The following ROCK2 variants were observed in gnomAD, a reference collection of about 807,000 sequenced individuals.
ROCK2 encodes Rho associated coiled-coil containing protein kinase 2.
In ROCK2, 61 loss-of-function variants were observed where a neutral mutation model predicts 195.1. The observed-to-expected ratio is 0.31, with a 90% CI of 0.25 to 0.39. The LOEUF is 0.39. Ranked by LOEUF, ROCK2 falls within the 10% of genes least tolerant of loss-of-function variation. The pLI is 1.00. For synonymous variants in ROCK2, 504 were observed against 545.5 expected (o/e 0.92, Z 1.06); for missense variants, 1,109 against 1,637.4 (o/e 0.68, Z 5.57).
At chr2:11,267,507 C>CAA (rs1282448544) in intron 3 of ROCK2, among the ~76,000 whole-genome samples, 31 of 137,962 alleles carry the variant, frequency 2.2e-4, no homozygotes, top group African/African-American at 7.7e-4. Flanking sequence ...TTTTCACATA[C>CAA]AAAAAAAAAA....
At chr2:11,250,061 G>A (rs1180743589) in intron 3 of ROCK2, among the ~76,000 whole-genome samples, 1 of 151,838 alleles carries the variant, frequency 6.6e-6, no homozygotes, top group Non-Finnish European at 1.5e-5. Flanking sequence ...AGGTAAATTC[G>A]TGAAGCTTCA....
chr2:11,214,734 A>G, intron 16 of ROCK2, 106 bp downstream of exon 16: 1 of 1,007,072 alleles, frequency 9.9e-7, no homozygotes, highest in Non-Finnish European at 1.4e-6. Flanking sequence ...ACTTTACATA[A>G]TAGTATATTC....
chr2:11,301,651 G>C (rs1225867834), intron 1 of ROCK2, among the ~76,000 whole-genome samples: 1 of 151,604 alleles, frequency 6.6e-6, no homozygotes, highest in African/African-American at 2.4e-5. Context: ...GGTGGCAGGT[G>C]CCTGTAATTT....
Position 11,344,611 on chromosome 2 carries a change from A to G in ROCK2, c.-475T>C, listed in dbSNP as rs867954561. 2.6e-5 allele frequency: 6 copies of G among 232,954 alleles called. No individual in the cohort carries two copies. Among genetic ancestry groups the G allele is most frequent in the Middle Eastern group, 4.6e-3 (2 of 434 alleles). The allele number at this position is 232,954 out of a possible 1,614,324, so 14.4% of individuals were successfully genotyped here. On this transcript the variant is annotated 5_prime_UTR_variant, in exon 1 of 33. Coordinates refer to ENST00000315872, the MANE Select transcript of ROCK2 (RefSeq NM_004850.5). This position sits in a 1 kb window ranked among gnomAD's most constrained non-coding sequence, Gnocchi z 5.4. ...CAGTCCCTCAGCCAGCTCCCGGCGC[A>G]CACACTCCCGCGCGGCCGCCCGTCT...
intron 25 of ROCK2, 51 bp downstream of exon 25, chr2:11,198,440 A>C (rs758472733): frequency 1.2e-5 from 15 of 1,238,632 alleles, no homozygotes; most frequent in Non-Finnish European, 1.7e-5. Flanking sequence ...AATGTAAAAG[A>C]GATAAACTGA....
At chr2:11,232,926 A>G (rs1413171559) in intron 5 of ROCK2, among the ~76,000 whole-genome samples, 1 of 152,362 alleles carries the variant, frequency 6.6e-6, no homozygotes, top group South Asian at 2.1e-4. Flanking sequence ...CAAGATTAAC[A>G]TAACTGGTCA....
intron 4 of ROCK2, among the ~76,000 whole-genome samples, chr2:11,245,307 T>C (rs1045641815): frequency 4.0e-5 from 6 of 150,928 alleles, no homozygotes; most frequent in Non-Finnish European, 5.9e-5. Flanking sequence ...GTATAAGGAA[T>C]ATAAATTATT....
Position 11,192,202 on chromosome 2 carries a change from T to C in ROCK2, c.4109A>G (p.Gln1370Arg), listed in dbSNP as rs2148030075. The change falls in exon 32 of 33, where the codon CAG (glutamine) becomes CGG (arginine). Residue 1370 changes from glutamine to arginine, a missense_variant. Gln to Arg is a conservative substitution (Grantham distance 43). Around this residue, in one of 6 missense-constraint regions of ROCK2, gnomAD observed 221 missense variants for 355.1 expected, o/e 0.62. Transcript: ENST00000315872. This position sits in a 1 kb window ranked among gnomAD's most constrained non-coding sequence, Gnocchi z 5.0. The part of the protein sequence containing the change: ...RSSPRTSMKI[Q>R]QNQSIRRPSR... ...TGGCCGTCTAATAGACTGGTTTTGCTGTATCTTCATTGAAGTTCTAGGAGA... is the reference window on the plus strand; with the variant it reads ...TGGCCGTCTAATAGACTGGTTTTGCCGTATCTTCATTGAAGTTCTAGGAGA... The C allele has an allele frequency of 6.2e-7, 1 of 1,613,840 alleles. No individual in the cohort carries two copies. The highest frequency in any genetic ancestry group is 8.5e-7 in the Non-Finnish European group (1 of 1,179,848).
At chr2:11,340,941 A>C (rs908734454) in intron 1 of ROCK2, among the ~76,000 whole-genome samples, 2 of 152,216 alleles carry the variant, frequency 1.3e-5, no homozygotes, top group African/African-American at 4.8e-5. Context: ...TTAGAAAAAT[A>C]TCTCTTCAGC....
intron 3 of ROCK2, among the ~76,000 whole-genome samples, chr2:11,254,805 T>C (rs1291749142): frequency 6.9e-6 from 1 of 144,846 alleles, no homozygotes; most frequent in Non-Finnish European, 1.5e-5. Flanking sequence ...ACACATCTTA[T>C]GAAAAAGAAC....
At chr2:11,330,771 GA>G in intron 1 of ROCK2, among the ~76,000 whole-genome samples, 1 of 95,512 alleles carries the variant, frequency 1.0e-5, no homozygotes. Context: ...GGAGGAGGAG[GA>G]GGGAGGGAAG....
At chr2:11,194,423 C>A in intron 28 of ROCK2, 79 bp from the exon 29 acceptor site, 1 of 480,584 alleles carries the variant, frequency 2.1e-6, no homozygotes. Context: ...AAAATAAATT[C>A]TATATTAGCA....
intron 3 of ROCK2, among the ~76,000 whole-genome samples, chr2:11,269,254 G>GT (rs1158821739): frequency 6.6e-6 from 1 of 152,166 alleles, no homozygotes; most frequent in Non-Finnish European, 1.5e-5. Context: ...GCTCATGCCT[G>GT]TAATATCAGC....
chr2:11,219,336 CAAAAAAAAAAAAAAA>C (rs35159426), intron 9 of ROCK2, among the ~76,000 whole-genome samples: 3 of 67,378 alleles, frequency 4.5e-5, no homozygotes, highest in African/African-American at 6.9e-5. Context: ...CTTATCTCTA[CAAAAAAAAAAAAAAA>C]AAAAAAAAAA....
intron 25 of ROCK2, among the ~76,000 whole-genome samples, 191 bp downstream of exon 25, chr2:11,198,300 G>T (rs1255944725): frequency 2.0e-5 from 3 of 152,176 alleles, no homozygotes; most frequent in Non-Finnish European, 4.4e-5. Context: ...AAAAATTTTA[G>T]TTGCTATAGA....
chr2:11,221,768 G>A (rs1277031550), intron 8 of ROCK2, among the ~76,000 whole-genome samples: 1 of 152,104 alleles, frequency 6.6e-6, no homozygotes, highest in Non-Finnish European at 1.5e-5. Flanking sequence ...GATTTATCAA[G>A]TCAAACGCAT....
intron 32 of ROCK2, among the ~76,000 whole-genome samples, chr2:11,185,154 G>A (rs1312171293): frequency 2.0e-5 from 3 of 152,190 alleles, no homozygotes; most frequent in Non-Finnish European, 4.4e-5. Flanking sequence ...CAGATTGTCA[G>A]CTCAGTTTTT....
chr2:11,275,141 C>T (rs1666779455), intron 3 of ROCK2, among the ~76,000 whole-genome samples: 1 of 151,850 alleles, frequency 6.6e-6, no homozygotes. Flanking sequence ...CCTGTAATCC[C>T]AGCTATTCGG....
At chr2:11,283,424 G>A (rs1442952207) in intron 3 of ROCK2, among the ~76,000 whole-genome samples, 18 of 148,898 alleles carry the variant, frequency 1.2e-4, no homozygotes, top group South Asian at 2.1e-4. Flanking sequence ...AGCCGGGCGC[G>A]GTGGCGGGCG....
Sources: gnomAD v4.1 joint callset for allele counts (sites outside exome capture counted in the v4.1 genomes callset) on GRCh38, gnomAD v4.1.1 for gene constraint, gnomAD v4.1.1 regional missense constraint, Gnocchi (gnomAD v3.1) non-coding constraint, MANE v1.5 for transcripts, NCBI Gene and HGNC (gene_info 2026-07-23, HGNC 2026-07-21) for gene names.